TET3: variants seen among roughly 807,000 people sequenced by gnomAD.
The protein encoded by TET3 is methylcytosine dioxygenase TET3.
A neutral mutation model predicts 141.4 loss-of-function variants in TET3; 19 were observed. The observed-to-expected ratio is 0.13, with a 90% confidence interval of 0.09 to 0.20. The LOEUF is 0.20. TET3 is among the 10% of genes least tolerant of loss of function. The pLI, the probability that TET3 is intolerant of heterozygous loss-of-function variation, is 1.00. For missense variants in TET3, 1,874 were observed against 2,356.9 expected (o/e 0.80, Z 4.24); for synonymous variants, 1,043 against 980.9 (o/e 1.06, Z -1.18).
chr2:74,022,246 C>T (rs912359178), intron 3 of TET3, among the ~76,000 whole-genome samples: 5 of 151,746 alleles, frequency 3.3e-5, no homozygotes, highest in African/African-American at 9.7e-5. Flanking sequence ...TCTTTCCTTG[C>T]TATGTTTAGT....
the TET3 span, among the ~76,000 whole-genome samples, chr2:74,134,163 G>A: frequency 0.15 from 23,325 of 152,168 alleles, 2,298 homozygotes; most frequent in East Asian, 0.39. Flanking sequence ...GACCACTGCC[G>A]TCCTGCTGGC....
chr2:74,013,653 CAA>C (rs1181835522), intron 3 of TET3, among the ~76,000 whole-genome samples: 1 of 150,810 alleles, frequency 6.6e-6, no homozygotes, highest in Non-Finnish European at 1.5e-5. Flanking sequence ...ACTGAAAATA[CAA>C]AAAAAAATTA....
At chr2:74,125,356 G>A in the TET3 span, among the ~76,000 whole-genome samples, 8 of 152,286 alleles carry the variant, frequency 5.3e-5, no homozygotes, top group Non-Finnish European at 8.8e-5. Flanking sequence ...TCAAAAGCCT[G>A]GCTGGATGGA....
Position 74,102,197 on chromosome 2 carries a change from C to G in TET3, c.*21C>G. The G allele has an allele frequency of 7.0e-7, 1 of 1,426,462 alleles. No individual in the cohort carries two copies. Among genetic ancestry groups the G allele is most frequent in the Non-Finnish European group, 9.2e-7 (1 of 1,087,772 alleles). 88.4% of individuals were successfully genotyped at this position (1,426,462 alleles called of 1,614,324 possible). A position where few individuals can be genotyped will look rare whatever the true frequency, so the allele number is the denominator to read the frequency against. ...TCTAGGTGCCAGGGAGCCAGCGTAC[C>G]TCAGCGTCGGGCCTGGCCCGAGCTG... On this transcript the variant is annotated 3_prime_UTR_variant, in exon 12 of 12. Coordinates refer to ENST00000409262, the MANE Select transcript of TET3 (RefSeq NM_001287491.2).
chr2:74,046,930 C>G lies in TET3; in HGVS notation c.1013C>G (p.Pro338Arg). 1 of 1,613,944 alleles carries G rather than the reference C, an allele frequency of 6.2e-7. No homozygotes were observed. The part of the protein sequence containing the change: ...VPQISPQEGL[P>R]LSQSALSIAK... Reference sequence around the variant, plus strand: ...CAGATCTCTCCCCAAGAGGGCCTGCCCCTGTCCCAGAGTGCCCTGAGCATT... The same window carrying G: ...CAGATCTCTCCCCAAGAGGGCCTGCGCCTGTCCCAGAGTGCCCTGAGCATT... The change falls in exon 4 of 12, where the codon CCC becomes CGC. Residue 338 changes from proline to arginine, a missense_variant. Physicochemically the swap from Pro to Arg is moderately radical, Grantham distance 103. Coordinates refer to ENST00000409262, the MANE Select transcript of TET3 (RefSeq NM_001287491.2). The surrounding 1 kb of genome is among the most constrained non-coding windows in gnomAD (Gnocchi z 4.3).
Position 74,103,390 on chromosome 2 carries a change from T to A in TET3, c.*1214T>A, listed in dbSNP as rs2104250159. ...ATGCATCTATCCTGATCCCTGAATT[T>A]CCACATTGGACAATGGTGCATGCCT... On this transcript the variant is annotated 3_prime_UTR_variant, in exon 12 of 12. Coordinates refer to ENST00000409262, the MANE Select transcript of TET3 (RefSeq NM_001287491.2). 1 of 152,264 alleles carries A rather than the reference T, an allele frequency of 6.6e-6. No homozygotes were observed. The highest frequency in any genetic ancestry group is 1.9e-4 in the East Asian group (1 of 5,186). 9.4% of individuals were successfully genotyped at this position (152,264 alleles called of 1,614,324 possible).
chr2:74,023,392 G>A (rs1266046314), intron 3 of TET3, among the ~76,000 whole-genome samples: 1 of 152,100 alleles, frequency 6.6e-6, no homozygotes, highest in Non-Finnish European at 1.5e-5. Context: ...ACAGGTGTGC[G>A]CCATCACACC....
intron 4 of TET3, among the ~76,000 whole-genome samples, chr2:74,056,923 C>G (rs1195455498): frequency 6.6e-6 from 1 of 152,302 alleles, no homozygotes; most frequent in South Asian, 2.1e-4. Context: ...AGGGACCCCA[C>G]AACTTGGAGA....
At position 73,984,941 on chromosome 2, in the gene TET3, G is replaced by A. The variant is rs1683920481; in HGVS notation, c.-641G>A. Among the ~76,000 whole-genome samples, 2 of 147,046 alleles carry A rather than the reference G, an allele frequency of 1.4e-5. No homozygotes were observed. The highest frequency in any genetic ancestry group is 4.2e-4 in the South Asian group (2 of 4,816). On this transcript the variant is annotated 5_prime_UTR_variant, in exon 1 of 12. Transcript: ENST00000409262. This position sits in a 1 kb window ranked among gnomAD's most constrained non-coding sequence, Gnocchi z 5.6. ...CGCGGACGCCTTCATTGCTGCTGCTGCTGCCGCCGCGGCCGCCGCTGCCTC... is the reference window on the plus strand; with the variant it reads ...CGCGGACGCCTTCATTGCTGCTGCTACTGCCGCCGCGGCCGCCGCTGCCTC...
chr2:74,119,042 C>G, the TET3 span, among the ~76,000 whole-genome samples: 3 of 152,272 alleles, frequency 2.0e-5, no homozygotes, highest in Admixed American at 2.0e-4. Flanking sequence ...GCTGCCCTAT[C>G]ACTTTGTTCT....
At chr2:74,134,626 G>C in the TET3 span, 12,863 of 452,284 alleles carry the variant, frequency 0.028, 377 homozygotes, top group Admixed American at 0.087. Context: ...GGTAACATGG[G>C]TGCTGGCTGA....
At chr2:74,120,612 CG>C in the TET3 span, 1 of 152,438 alleles carries the variant, frequency 6.6e-6, no homozygotes, top group African/African-American at 2.4e-5. Flanking sequence ...AGGAGCGGGG[CG>C]GCGGCCACTA....
chr2:74,079,990 G>T (rs191775756), intron 5 of TET3, among the ~76,000 whole-genome samples: 1 of 152,140 alleles, frequency 6.6e-6, no homozygotes, highest in Non-Finnish European at 1.5e-5. Context: ...CAGAGCTGGC[G>T]TTTGGGCTTA....
At chr2:74,100,130 AC>A (rs1407471664) in intron 11 of TET3, among the ~76,000 whole-genome samples, 1 of 152,032 alleles carries the variant, frequency 6.6e-6, no homozygotes. Flanking sequence ...CGGTGGGGGT[AC>A]TGTGGACCCC....
intron 2 of TET3, among the ~76,000 whole-genome samples, chr2:73,987,832 T>C (rs890691096): frequency 5.9e-5 from 9 of 152,308 alleles, no homozygotes; most frequent in South Asian, 2.1e-4. Context: ...CTCGGGTCCC[T>C]GTGGCTGGCG....
chr2:74,044,305 A>C (rs1451893215), intron 3 of TET3, among the ~76,000 whole-genome samples: 1 of 152,226 alleles, frequency 6.6e-6, no homozygotes, highest in Non-Finnish European at 1.5e-5. Flanking sequence ...AATAGCAGGG[A>C]TCATACTTGG....
intron 2 of TET3, among the ~76,000 whole-genome samples, chr2:73,999,492 G>A (rs1379926224): frequency 1.3e-5 from 2 of 152,178 alleles, no homozygotes; most frequent in African/African-American, 4.8e-5. Context: ...GTGTTCCTTC[G>A]TCTTTGAATA....
Position 74,093,670 on chromosome 2 carries a change from A to G in TET3, c.3267+4A>G, listed in dbSNP as rs780907940. 1 of 1,601,054 alleles carries G rather than the reference A, an allele frequency of 6.2e-7. No individual in the cohort carries two copies. The highest frequency in any genetic ancestry group is 8.5e-7 in the Non-Finnish European group (1 of 1,172,274). Reference sequence around the variant, plus strand: ...CCTCTACAATGGGTGCACCGTGGTAAGCCTGTGCCCTGTCATAGCCCCACC... The same window carrying G: ...CCTCTACAATGGGTGCACCGTGGTAGGCCTGTGCCCTGTCATAGCCCCACC... On this transcript the variant is annotated splice_donor_region_variant and intron_variant, in intron 10 of 11. Transcript: ENST00000409262. The surrounding 1 kb of genome is among the most constrained non-coding windows in gnomAD (Gnocchi z 4.2).
intron 2 of TET3, chr2:74,002,692 G>C: frequency 2.4e-6 from 1 of 425,444 alleles, no homozygotes; most frequent in Non-Finnish European, 4.1e-6. Context: ...GGAGGGGAGC[G>C]CAGCCGGCAG....
Sources: allele counts gnomAD v4.1 joint callset (sites outside exome capture counted in the v4.1 genomes callset), GRCh38; gene constraint gnomAD v4.1.1; non-coding constraint Gnocchi (gnomAD v3.1); transcripts MANE v1.5; gene names NCBI Gene and HGNC (gene_info 2026-07-23, HGNC 2026-07-21).